Variants in PDE10A observed in about 807,000 individuals in gnomAD.
PDE10A encodes cAMP and cAMP-inhibited cGMP 3',5'-cyclic phosphodiesterase 10A.
Under a neutral mutation model 97.7 loss-of-function variants are expected in PDE10A, and 39 were observed. The ratio of observed to expected loss-of-function variants is 0.40; its 90% CI spans 0.31 to 0.52. PDE10A has a LOEUF of 0.52. PDE10A is among the 20% of genes least tolerant of loss of function. PDE10A has a pLI of 0.56. For missense variants in PDE10A, 731 were observed against 1,047.8 expected (o/e 0.70, Z 4.17); for synonymous variants, 371 against 376.8 (o/e 0.98, Z 0.18).
intron 2 of PDE10A, among the ~76,000 whole-genome samples, chr6:165,532,364 G>A (rs1239246767): frequency 1.3e-5 from 2 of 151,238 alleles, no homozygotes; most frequent in Non-Finnish European, 2.9e-5. Context: ...CTAAGCATTA[G>A]ACACAGATTC....
intron 10 of PDE10A, among the ~76,000 whole-genome samples, chr6:165,425,770 C>CATATGTGT (rs112669910): frequency 0.05 from 7,214 of 143,860 alleles, 213 homozygotes; most frequent in African/African-American, 0.071. Flanking sequence ...AAGGCATGAT[C>CATATGTGT]GTGTGTGTGT....
chr6:165,544,081 C>T (rs75242511), intron 1 of PDE10A, among the ~76,000 whole-genome samples: 2,879 of 152,098 alleles, frequency 0.019, 42 homozygotes, highest in Non-Finnish European at 0.027. Context: ...ATTTAGTGGT[C>T]AAAGCAAGTG....
At chr6:165,557,413 A>G (rs1342907140) in intron 1 of PDE10A, among the ~76,000 whole-genome samples, 3 of 152,186 alleles carry the variant, frequency 2.0e-5, no homozygotes, top group Admixed American at 1.3e-4. Context: ...TCTTATGCCC[A>G]TTTAGTAAAA....
intron 10 of PDE10A, among the ~76,000 whole-genome samples, chr6:165,425,770 C>CATAT (rs112669910): frequency 0.011 from 1,546 of 144,092 alleles, 8 homozygotes; most frequent in Non-Finnish European, 0.016. Context: ...AAGGCATGAT[C>CATAT]GTGTGTGTGT....
intron 1 of PDE10A, among the ~76,000 whole-genome samples, chr6:165,544,102 A>G (rs1040656218): frequency 6.6e-6 from 1 of 152,200 alleles, no homozygotes; most frequent in African/African-American, 2.4e-5. Flanking sequence ...AAACTCTAGC[A>G]AGAGTAGTAA....
rs187861894 is a variant in PDE10A at position 165,462,391 on chromosome 6, C to G, written c.1024-12029G>C. On this transcript the variant is annotated intron_variant, in intron 3 of 21. Transcript: ENST00000539869. ...CAGAAACCAGATGCAAAGACAGAAGCAGAACAACCGATTTGGTGGAGAGAT... is the reference window on the plus strand; with the variant it reads ...CAGAAACCAGATGCAAAGACAGAAGGAGAACAACCGATTTGGTGGAGAGAT... 5.7e-3 allele frequency among the ~76,000 whole-genome samples: 867 copies of G among 152,252 alleles called. 8 individuals carry two copies. The highest frequency in any genetic ancestry group is 4.9e-3 in the Non-Finnish European group (331 of 68,010).
chr6:165,375,503 G>A (rs1475820989), intron 18 of PDE10A, among the ~76,000 whole-genome samples: 2 of 152,180 alleles, frequency 1.3e-5, no homozygotes, highest in Non-Finnish European at 2.9e-5. Flanking sequence ...GGTTCGAGAG[G>A]TTTAAAGCAA....
At chr6:165,779,619 G>A (rs1425653920) in intron 1 of PDE10A, among the ~76,000 whole-genome samples, 1 of 152,184 alleles carries the variant, frequency 6.6e-6, no homozygotes, top group East Asian at 1.9e-4. Context: ...TTGGGGTGGT[G>A]GCTACAAAGT....
At chr6:165,554,037 G>A (rs1383330819) in intron 1 of PDE10A, among the ~76,000 whole-genome samples, 3 of 152,130 alleles carry the variant, frequency 2.0e-5, no homozygotes, top group Non-Finnish European at 4.4e-5. Context: ...CAGTAACTCG[G>A]TGGGGGACTG....
intron 1 of PDE10A, among the ~76,000 whole-genome samples, chr6:165,739,020 G>A (rs1380645577): frequency 1.3e-5 from 2 of 152,190 alleles, no homozygotes; most frequent in Admixed American, 1.3e-4. Context: ...AAGATATCCT[G>A]TCTTCATAGA....
rs542008168 is a variant in PDE10A at position 165,593,189 on chromosome 6, T to C, written c.866-49621A>G. Among the ~76,000 whole-genome samples the C allele has an allele frequency of 7.9e-5, 12 of 152,066 alleles. No individual in the cohort carries two copies. The Middle Eastern group carries it at 0.01, about 130-fold the overall frequency. The stretch of plus-strand genomic sequence containing the variant: ...CTGGAAACCATCATTCTCAGCAAAC[T>C]AACACAGGAACAGAAAACGAAACAC... On this transcript the variant is annotated intron_variant, in intron 1 of 21. Transcript: ENST00000539869.
intron 1 of PDE10A, among the ~76,000 whole-genome samples, chr6:165,640,847 G>GAA (rs1371998711): frequency 6.6e-6 from 1 of 152,156 alleles, no homozygotes; most frequent in East Asian, 1.9e-4. Flanking sequence ...CTATTAATAA[G>GAA]AAGTATGATA....
At chr6:165,621,655 C>T (rs1018513015) in intron 1 of PDE10A, among the ~76,000 whole-genome samples, 5 of 151,998 alleles carry the variant, frequency 3.3e-5, no homozygotes, top group East Asian at 3.9e-4. Context: ...ACTTGGGAGG[C>T]TGAGGCACCA....
intron 2 of PDE10A, among the ~76,000 whole-genome samples, chr6:165,543,145 C>T (rs960234777): frequency 6.6e-6 from 1 of 151,998 alleles, no homozygotes; most frequent in Admixed American, 6.6e-5. Context: ...TAAAAATAAT[C>T]CTTAAATAAA....
At chr6:165,536,498 A>T (rs1038449673) in intron 2 of PDE10A, among the ~76,000 whole-genome samples, 1 of 151,958 alleles carries the variant, frequency 6.6e-6, no homozygotes, top group African/African-American at 2.4e-5. Context: ...AAGCAAACAA[A>T]GTGAAGAGAC....
chr6:165,707,950 C>T (rs573855116), intron 1 of PDE10A, among the ~76,000 whole-genome samples: 23 of 152,150 alleles, frequency 1.5e-4, no homozygotes, highest in African/African-American at 2.4e-4. Flanking sequence ...TGCTGTTAGA[C>T]TATCGCCATG....
chr6:165,666,508 C>G (rs1442417900), upstream of PDE10A, among the ~76,000 whole-genome samples: 1 of 152,104 alleles, frequency 6.6e-6, no homozygotes, highest in African/African-American at 2.4e-5. Flanking sequence ...CATTTAATAG[C>G]TAGCAAATTA....
chr6:165,464,293 A>T (rs1012112638), intron 3 of PDE10A, among the ~76,000 whole-genome samples: 1 of 152,122 alleles, frequency 6.6e-6, no homozygotes, highest in African/African-American at 2.4e-5. Flanking sequence ...GAGATGAAAA[A>T]CCATGACTCA....
At chr6:165,404,588 AT>A (rs1195740051) in intron 13 of PDE10A, among the ~76,000 whole-genome samples, 1 of 152,148 alleles carries the variant, frequency 6.6e-6, no homozygotes. Flanking sequence ...CATGGAAAAC[AT>A]TACATATATC....
Sources: allele counts gnomAD v4.1 joint callset (sites outside exome capture counted in the v4.1 genomes callset), GRCh38; gene constraint gnomAD v4.1.1; transcripts MANE v1.5; gene names NCBI Gene and HGNC (gene_info 2026-07-23, HGNC 2026-07-21).